The following TPD52L1 variants were observed in gnomAD, a reference collection of about 807,000 sequenced individuals.
The protein encoded by TPD52L1 is tumor protein D53.
Under a neutral mutation model 28.7 loss-of-function variants are expected in TPD52L1, and 18 were observed. That is an observed-to-expected ratio of 0.63 (90% CI 0.43 to 0.93). The LOEUF is 0.93. Ranked by LOEUF, TPD52L1 falls within the 40% of genes least tolerant of loss-of-function variation. The pLI, the probability that TPD52L1 is intolerant of heterozygous loss-of-function variation, is 0.00. For missense variants in TPD52L1, 203 were observed against 254.8 expected (o/e 0.80, Z 1.39); for synonymous variants, 75 against 88.8 (o/e 0.84, Z 0.88).
At chr6:125,172,154 TTCTTTTCTTTC>T (rs1352395410) in intron 1 of TPD52L1, among the ~76,000 whole-genome samples, 2 of 50,702 alleles carry the variant, frequency 3.9e-5, no homozygotes, top group African/African-American at 1.7e-4. Flanking sequence ...CTTTCTTTCT[TTCTTTTCTTTC>T]TTTCTTTCTT....
At chr6:125,188,224 G>A (rs1347426701) in intron 1 of TPD52L1, among the ~76,000 whole-genome samples, 3 of 152,152 alleles carry the variant, frequency 2.0e-5, no homozygotes, top group African/African-American at 2.4e-5. Context: ...TCTCTCCTCT[G>A]TTAAGATATC....
At chr6:125,232,611 T>G (rs899039877) in intron 3 of TPD52L1, among the ~76,000 whole-genome samples, 1 of 152,190 alleles carries the variant, frequency 6.6e-6, no homozygotes, top group East Asian at 1.9e-4. Flanking sequence ...GCATACTGAT[T>G]AAGCAATCAT....
At chr6:125,179,025 A>C (rs1383870603) in intron 1 of TPD52L1, among the ~76,000 whole-genome samples, 1 of 152,200 alleles carries the variant, frequency 6.6e-6, no homozygotes, top group Non-Finnish European at 1.5e-5. Context: ...CTCTTAAAAT[A>C]ATGTAAACAG....
intron 1 of TPD52L1, among the ~76,000 whole-genome samples, chr6:125,212,583 G>C (rs1461235337): frequency 6.6e-6 from 1 of 152,226 alleles, no homozygotes; most frequent in Non-Finnish European, 1.5e-5. Flanking sequence ...TTAATCTAAA[G>C]CTGATCTCTT....
At chr6:125,231,176 C>T (rs1443336691) in intron 3 of TPD52L1, 2 of 152,202 alleles carry the variant, frequency 1.3e-5, no homozygotes, top group African/African-American at 2.4e-5. Flanking sequence ...GTCTGAACTT[C>T]CCTGTGGGGT....
intron 1 of TPD52L1, among the ~76,000 whole-genome samples, chr6:125,168,955 T>C (rs2114768615): frequency 6.6e-6 from 1 of 152,266 alleles, no homozygotes; most frequent in Admixed American, 6.5e-5. Flanking sequence ...AAAGAGAAAG[T>C]CAGCACTCAC....
chr6:125,223,448 C>G (rs1168088154), intron 2 of TPD52L1, among the ~76,000 whole-genome samples: 1 of 152,114 alleles, frequency 6.6e-6, no homozygotes, highest in East Asian at 1.9e-4. Flanking sequence ...GTGGCTCACG[C>G]CTGTAATCCC....
intron 6 of TPD52L1, 41 bp from the exon 7 acceptor site, chr6:125,262,793 A>G: frequency 1.3e-6 from 2 of 1,563,682 alleles, no homozygotes; most frequent in South Asian, 1.2e-5. Context: ...CAAAAATGAT[A>G]GTAACAACTA....
intron 3 of TPD52L1, among the ~76,000 whole-genome samples, chr6:125,244,481 C>T (rs1255263372): frequency 6.6e-6 from 1 of 152,192 alleles, no homozygotes; most frequent in Non-Finnish European, 1.5e-5. Context: ...AAGCTACTCA[C>T]CTCACAGCCT....
intron 2 of TPD52L1, among the ~76,000 whole-genome samples, chr6:125,226,621 T>A (rs1042352988): frequency 2.6e-5 from 4 of 152,084 alleles, no homozygotes; most frequent in African/African-American, 9.7e-5. Context: ...AATTTTCCCC[T>A]TATTTTTTTA....
Position 125,253,533 on chromosome 6 carries a change from C to A in TPD52L1, c.387-184C>A, listed in dbSNP as rs931991466. ...TCCACCATCTACTTTTCATTTATAC[C>A]CTTGAAAGCTGACTATACCCATTAT... On this transcript the variant is annotated intron_variant, in intron 4 of 6. Transcript: ENST00000534000. The A allele has an allele frequency of 1.9e-5, 11 of 576,738 alleles. No individual in the cohort carries two copies. In the Admixed American group the frequency reaches 2.5e-4, roughly 13 times the overall value. 35.7% of individuals were successfully genotyped at this position (576,738 alleles called of 1,614,324 possible).
chr6:125,203,367 T>A (rs753500311), intron 1 of TPD52L1, among the ~76,000 whole-genome samples: 6 of 152,208 alleles, frequency 3.9e-5, no homozygotes, highest in Non-Finnish European at 7.3e-5. Context: ...TTCTTGTGAC[T>A]TTTTGTCGGG....
intron 3 of TPD52L1, among the ~76,000 whole-genome samples, chr6:125,235,095 A>AAATAACAATAATAAT: frequency 1.5e-5 from 1 of 64,912 alleles, no homozygotes; most frequent in East Asian, 7.8e-4. Flanking sequence ...CCCTGTCTAC[A>AAATAACAATAATAAT]AATAACAATA....
chr6:125,225,887 T>A (rs1795576180), intron 2 of TPD52L1, among the ~76,000 whole-genome samples: 1 of 152,170 alleles, frequency 6.6e-6, no homozygotes. Flanking sequence ...TGCCTGGGAA[T>A]CTGCATTTTA....
intron 3 of TPD52L1, among the ~76,000 whole-genome samples, chr6:125,243,671 A>T (rs1796753317): frequency 6.6e-6 from 1 of 151,934 alleles, no homozygotes; most frequent in African/African-American, 2.4e-5. Flanking sequence ...TATGATATAT[A>T]TTTCTCTGGA....
intron 1 of TPD52L1, among the ~76,000 whole-genome samples, chr6:125,218,726 T>G (rs1562309149): frequency 1.3e-5 from 2 of 152,220 alleles, no homozygotes; most frequent in Non-Finnish European, 2.9e-5. Context: ...GTGAATGGTT[T>G]AAAGGTGTCC....
intron 1 of TPD52L1, among the ~76,000 whole-genome samples, chr6:125,207,248 C>A (rs905650777): frequency 2.0e-5 from 3 of 152,110 alleles, no homozygotes; most frequent in African/African-American, 7.2e-5. Flanking sequence ...GATTTCAGTT[C>A]CTGTCAAATT....
intron 1 of TPD52L1, among the ~76,000 whole-genome samples, chr6:125,196,398 A>G (rs140480798): frequency 1.4e-4 from 22 of 152,364 alleles, no homozygotes; most frequent in African/African-American, 5.3e-4. Context: ...TAAAAGCTTA[A>G]CTATAGTTGT....
chr6:125,201,828 T>C (rs992031132), intron 1 of TPD52L1, among the ~76,000 whole-genome samples: 2 of 152,238 alleles, frequency 1.3e-5, no homozygotes, highest in Non-Finnish European at 2.9e-5. Flanking sequence ...ATGTCACGAC[T>C]CAGAAACACA....
Sources: allele counts gnomAD v4.1 joint callset (sites outside exome capture counted in the v4.1 genomes callset), GRCh38; gene constraint gnomAD v4.1.1; transcripts MANE v1.5; gene names NCBI Gene and HGNC (gene_info 2026-07-23, HGNC 2026-07-21).